Variants in TRMT13 observed in about 807,000 individuals in gnomAD.
TRMT13 encodes tRNA:m(4)X modification enzyme TRM13 homolog.
Under a neutral mutation model 55.9 loss-of-function variants are expected in TRMT13, and 45 were observed. The ratio of observed to expected loss-of-function variants is 0.80; its 90% CI spans 0.63 to 1.03. The LOEUF (loss-of-function observed/expected upper bound fraction) is 1.03. TRMT13 is among the 50% of genes least tolerant of loss of function. TRMT13 has a pLI of 0.00. For missense variants in TRMT13, 513 were observed against 563.9 expected (o/e 0.91, Z 0.91); for synonymous variants, 183 against 196.3 (o/e 0.93, Z 0.57).
rs1193338906 is a variant in TRMT13, at chr1:100,133,217, G to A, written c.49G>A (p.Gly17Ser). 8.1e-6 allele frequency: 13 copies of A among 1,614,076 alleles called. No individual in the cohort carries two copies. In the South Asian group the frequency reaches 1.2e-4, roughly 15 times the overall value. ...SPHAPGFPAE[G>S]RCGYYVEKKK... The stretch of plus-strand genomic sequence containing the variant: ...GCACGCGCCTGGTTTTCCAGCTGAG[G>A]GTAGATGCGGTTACTATGTGGAAAA... Residue 17 changes from glycine to serine, a missense_variant, in exon 1 of 11, where the codon GGT becomes AGT. Around this residue, in one of 3 missense-constraint regions of TRMT13, gnomAD observed 298 missense variants for 290.3 expected, o/e 1.03. Transcript: ENST00000370141.
chr1:100,135,548 T>C lies in TRMT13; in HGVS notation c.148-1334T>C, dbSNP rs980209694. Among the ~76,000 whole-genome samples, 5 of 152,318 alleles carry C rather than the reference T, an allele frequency of 3.3e-5. No individual in the cohort carries two copies. In the East Asian group the frequency reaches 9.6e-4, roughly 29 times the overall value. On this transcript the variant is annotated intron_variant, in intron 1 of 10. Transcript: ENST00000370141. ...AGCACTGGGCTAGGCAGTTTTGTTT[T>C]GTTAACTATTAGCTCACTTAATGTG...
At chr1:100,146,507 CT>C (rs546579308) in intron 9 of TRMT13, among the ~76,000 whole-genome samples, 8,443 of 147,274 alleles carry the variant, frequency 0.057, 271 homozygotes, top group Admixed American at 0.079. Context: ...TAACTTAATT[CT>C]TTTTTTTTTT....
intron 1 of TRMT13, among the ~76,000 whole-genome samples, chr1:100,135,855 A>C (rs1175819736): frequency 1.3e-5 from 2 of 152,244 alleles, no homozygotes; most frequent in African/African-American, 4.8e-5. Flanking sequence ...AACAGACCGC[A>C]TATATGATGG....
intron 8 of TRMT13, 144 bp from the exon 9 acceptor site, chr1:100,143,925 T>C: frequency 3.0e-6 from 2 of 658,476 alleles, no homozygotes; most frequent in Non-Finnish European, 5.3e-6. Context: ...TCTTATGTTA[T>C]ATGTTGGGTT....
chr1:100,137,555 A>G (rs1034199392), intron 3 of TRMT13, among the ~76,000 whole-genome samples: 8 of 152,150 alleles, frequency 5.3e-5, no homozygotes, highest in African/African-American at 1.4e-4. Context: ...CTTTTGTTCC[A>G]TAAGTAGACA....
Position 100,147,866 on chromosome 1 carries a change from T to TG in TRMT13, c.818-21dup, listed in dbSNP as rs201138142. ...ATTTATTTTTAAAGATGATGTGGTT[T>TG]GGGGGGGCCACATAATTGTGTTTGC... On this transcript the variant is annotated intron_variant, in intron 9 of 10. Transcript: ENST00000370141. 1.2e-3 allele frequency: 1,785 copies of TG among 1,550,212 alleles called. 10 individuals carry two copies. In the African/African-American group the frequency reaches 0.018, roughly 15 times the overall value.
chr1:100,133,996 C>T (rs1345375419), intron 1 of TRMT13, among the ~76,000 whole-genome samples: 1 of 152,096 alleles, frequency 6.6e-6, no homozygotes, highest in African/African-American at 2.4e-5. Context: ...CGCTTGAACC[C>T]AGGAGGTGGA....
rs1371267868 is a variant in TRMT13 at position 100,147,923 on chromosome 1, T to G, written c.847T>G (p.Tyr283Asp). Residue 283 changes from tyrosine to aspartate, a missense_variant, in exon 10 of 11, where the codon TAT becomes GAT. Physicochemically the swap from Tyr to Asp is radical, Grantham distance 160. Coordinates refer to ENST00000370141, the MANE Select transcript of TRMT13 (RefSeq NM_019083.3). Reference protein sequence around the residue: ...DLALRCLVETYAASFEERNEE... With the variant: ...DLALRCLVETDAASFEERNEE... ...TGCATTACGATGTTTGGTTGAAACC[T>G]ATGCTGCCAGTTTTGAGGAAAGGAA... 1.2e-6 allele frequency: 2 copies of G among 1,610,224 alleles called. No homozygotes were observed. Among genetic ancestry groups the G allele is most frequent in the Non-Finnish European group, 1.7e-6 (2 of 1,178,438 alleles).
chr1:100,150,493 C>T lies in TRMT13; in HGVS notation c.*1673C>T, dbSNP rs1657880836. On this transcript the variant is annotated 3_prime_UTR_variant, in exon 11 of 11. Transcript: ENST00000370141. ...CCCAGAAATAAACAATATTCTACAA[C>T]AGGCATAATCTCATTTATGTTTGAT... The T allele has an allele frequency of 6.6e-6, 1 of 152,286 alleles. No individual in the cohort carries two copies. The highest frequency in any genetic ancestry group is 2.1e-4 in the South Asian group (1 of 4,830). The allele number at this position is 152,286 out of a possible 1,614,324, so 9.4% of individuals were successfully genotyped here. A position where few individuals can be genotyped will look rare whatever the true frequency, so the allele number is the denominator to read the frequency against.
chr1:100,133,208 C>T lies in TRMT13; in HGVS notation c.40C>T (p.Pro14Ser), dbSNP rs1272494375. The T allele has an allele frequency of 3.1e-6, 5 of 1,614,014 alleles. No homozygotes were observed. In the African/African-American group the frequency reaches 4.0e-5, roughly 13 times the overall value. The change falls in exon 1 of 11, where the codon CCA becomes TCA. Residue 14 changes from proline to serine, a missense_variant. Pro to Ser is a moderately conservative substitution (Grantham distance 74). Transcript: ENST00000370141. ...SATSPHAPGF[P>S]AEGRCGYYVE... ...GACGTCGCCGCACGCGCCTGGTTTT[C>T]CAGCTGAGGGTAGATGCGGTTACTA...
chr1:100,148,795 C>T lies in TRMT13; in HGVS notation c.1421C>T (p.Ser474Phe), dbSNP rs1199165084. The change falls in exon 11 of 11, where the codon TCT becomes TTT. Residue 474 changes from serine (S) to phenylalanine (F), a missense_variant. Transcript: ENST00000370141. Reference sequence around the variant, plus strand: ...TTGTTAACTGCTTTACCAAATCATTCTTCATCACCAGAAACAACTGCTTAA... The same window carrying T: ...TTGTTAACTGCTTTACCAAATCATTTTTCATCACCAGAAACAACTGCTTAA... ...NVLLTALPNH[S>F]SSPETTA 1.3e-6 allele frequency: 2 copies of T among 1,516,566 alleles called. No individual in the cohort carries two copies. Among genetic ancestry groups the T allele is most frequent in the Non-Finnish European group, 1.8e-6 (2 of 1,134,674 alleles). 93.9% of individuals were successfully genotyped at this position (1,516,566 alleles called of 1,614,324 possible). A position where few individuals can be genotyped will look rare whatever the true frequency, so the allele number is the denominator to read the frequency against.
chr1:100,147,429 C>T (rs1258500636), intron 9 of TRMT13, among the ~76,000 whole-genome samples: 1 of 152,224 alleles, frequency 6.6e-6, no homozygotes, highest in Non-Finnish European at 1.5e-5. Context: ...TTGCTATGAG[C>T]CTCTTCAAGA....
Position 100,149,560 on chromosome 1 carries a change from G to C in TRMT13, c.*740G>C, listed in dbSNP as rs1657744679. ...TTGAAATAATTTCTGAAGTTGATTA[G>C]CTATCTCATATCTTTTATCAGGTCA... On this transcript the variant is annotated 3_prime_UTR_variant, in exon 11 of 11. Transcript: ENST00000370141. 1.1e-6 allele frequency: 1 copy of C among 874,804 alleles called. No individual in the cohort carries two copies. The highest frequency in any genetic ancestry group is 1.7e-6 in the Non-Finnish European group (1 of 590,194). 54.2% of individuals were successfully genotyped at this position (874,804 alleles called of 1,614,324 possible).
chr1:100,143,354 AT>A (rs1656850110), intron 8 of TRMT13, 145 bp downstream of exon 8: 1 of 513,738 alleles, frequency 1.9e-6, no homozygotes, highest in Non-Finnish European at 3.4e-6. Context: ...GTTTTATATA[AT>A]GTTTTTAAAT....
intron 7 of TRMT13, among the ~76,000 whole-genome samples, chr1:100,142,550 C>T (rs1277015580): frequency 6.6e-6 from 1 of 151,930 alleles, no homozygotes; most frequent in Non-Finnish European, 1.5e-5. Context: ...GCTTAGGTGA[C>T]TAAGTGGTGT....
chr1:100,144,271 C>T, intron 9 of TRMT13, 128 bp downstream of exon 9: 2 of 671,164 alleles, frequency 3.0e-6, no homozygotes, highest in Non-Finnish European at 5.2e-6. Flanking sequence ...TTATAGAGCA[C>T]TGGCCCTGTG....
Position 100,148,804 on chromosome 1 carries a change from C to T in TRMT13, c.1430C>T (p.Pro477Leu). Reference protein sequence around the residue: ...LTALPNHSSSPETTA With the variant: ...LTALPNHSSSLETTA ...GCTTTACCAAATCATTCTTCATCAC[C>T]AGAAACAACTGCTTAATGGAAAAGA... The change falls in exon 11 of 11, where the codon CCA (proline) becomes CTA (leucine). Residue 477 changes from proline (P) to leucine (L), a missense_variant. Transcript: ENST00000370141. The T allele has an allele frequency of 6.6e-7, 1 of 1,506,174 alleles. No individual in the cohort carries two copies. Among genetic ancestry groups the T allele is most frequent in the Non-Finnish European group, 8.9e-7 (1 of 1,129,784 alleles). 93.3% of individuals were successfully genotyped at this position (1,506,174 alleles called of 1,614,324 possible).
chr1:100,139,347 A>T (rs976036343), intron 3 of TRMT13, among the ~76,000 whole-genome samples: 1 of 152,244 alleles, frequency 6.6e-6, no homozygotes, highest in Non-Finnish European at 1.5e-5. Flanking sequence ...AACTTTTAAT[A>T]AGTGTTACAA....
At chr1:100,139,831 T>G in intron 4 of TRMT13, 120 bp downstream of exon 4, 1 of 673,104 alleles carries the variant, frequency 1.5e-6, no homozygotes, top group South Asian at 2.1e-5. Flanking sequence ...TGCATTTTCC[T>G]GTAGACTTAA....
Sources: gnomAD v4.1 joint callset for allele counts (sites outside exome capture counted in the v4.1 genomes callset) on GRCh38, gnomAD v4.1.1 for gene constraint, gnomAD v4.1.1 regional missense constraint, MANE v1.5 for transcripts, NCBI Gene and HGNC (gene_info 2026-07-23, HGNC 2026-07-21) for gene names.